Variants in SGCZ observed in about 807,000 individuals in gnomAD.
The protein encoded by SGCZ is zeta-sarcoglycan.
A neutral mutation model predicts 41.3 loss-of-function variants in SGCZ; 40 were observed. The ratio of observed to expected loss-of-function variants is 0.97; its 90% CI spans 0.75 to 1.26. The LOEUF (loss-of-function observed/expected upper bound fraction) is 1.26. Ranked by LOEUF, SGCZ falls within the 50% of genes most tolerant of loss-of-function variation. The pLI is 0.00. For missense variants in SGCZ, 552 were observed against 369.8 expected (o/e 1.49, Z -4.04); for synonymous variants, 206 against 137.5 (o/e 1.50, Z -3.49).
At chr8:14,805,914 G>A (rs376695151) in intron 1 of SGCZ, among the ~76,000 whole-genome samples, 1 of 150,130 alleles carries the variant, frequency 6.7e-6, no homozygotes, top group Non-Finnish European at 1.5e-5. Context: ...CTAGAACTCA[G>A]GATTAAGAAT....
rs1413036344 is a variant in SGCZ, at chr8:14,563,417, GA to G, written c.40-8492del. On this transcript the variant is annotated intron_variant, in intron 1 of 7. Coordinates refer to ENST00000382080, the MANE Select transcript of SGCZ (RefSeq NM_139167.4). ...GTTAATAGGTGTGAGTGGACAGAAAGAAAAAAGTCGTTAAGGAAATGTACAA... is the reference window on the plus strand; with the variant it reads ...GTTAATAGGTGTGAGTGGACAGAAAGAAAAAGTCGTTAAGGAAATGTACAA... Among the ~76,000 whole-genome samples, 119 of 152,228 alleles carry G rather than the reference GA, an allele frequency of 7.8e-4. 1 individual carries two copies. Among genetic ancestry groups the G allele is most frequent in the African/African-American group, 2.8e-3 (117 of 41,550 alleles).
chr8:15,220,608 T>C lies in SGCZ; in HGVS notation c.39+16977A>G, dbSNP rs549119841. Among the ~76,000 whole-genome samples, 3 of 152,300 alleles carry C rather than the reference T, an allele frequency of 2.0e-5. No individual in the cohort carries two copies. The South Asian group carries it at 6.2e-4, about 32-fold the overall frequency. ...ACCATTGTGGAAGACAGTGTGTCGA[T>C]TCCTCAAGGATCTAGAACTGGAAAT... is the stretch of plus-strand genomic sequence containing the variant. On this transcript the variant is annotated intron_variant, in intron 1 of 7. Transcript: ENST00000382080.
At chr8:14,983,986 A>G (rs1157086684) in intron 1 of SGCZ, among the ~76,000 whole-genome samples, 1 of 152,224 alleles carries the variant, frequency 6.6e-6, no homozygotes, top group Non-Finnish European at 1.5e-5. Context: ...ATACCCAATC[A>G]GTACTTAACA....
intron 2 of SGCZ, among the ~76,000 whole-genome samples, chr8:14,551,567 A>AATATATAATATATATAATATATT (rs1803853411): frequency 4.2e-5 from 1 of 23,678 alleles, no homozygotes; most frequent in African/African-American, 2.8e-4. Context: ...TATTATATAT[A>AATATATAATATATATAATATATT]TAATATATAT....
intron 1 of SGCZ, among the ~76,000 whole-genome samples, chr8:14,691,084 A>G (rs1808784504): frequency 6.6e-6 from 1 of 152,188 alleles, no homozygotes; most frequent in African/African-American, 2.4e-5. Flanking sequence ...CATACTATAA[A>G]TGCACTTATT....
chr8:15,153,418 C>A (rs1421335251), intron 1 of SGCZ, among the ~76,000 whole-genome samples: 1 of 152,116 alleles, frequency 6.6e-6, no homozygotes, highest in Non-Finnish European at 1.5e-5. Context: ...CGTGAGAATG[C>A]CAGACAGCTT....
chr8:14,161,405 T>C (rs1419957853), intron 5 of SGCZ: 1 of 152,210 alleles, frequency 6.6e-6, no homozygotes, highest in East Asian at 1.9e-4. Flanking sequence ...ATGTGTATGT[T>C]TGTGACTCTA....
chr8:14,240,515 T>C (rs888873873), intron 3 of SGCZ, among the ~76,000 whole-genome samples: 2 of 151,670 alleles, frequency 1.3e-5, no homozygotes, highest in East Asian at 1.9e-4. Context: ...TAAAATTTTA[T>C]ATCTAGATTA....
intron 4 of SGCZ, among the ~76,000 whole-genome samples, chr8:14,179,719 A>T (rs1007027464): frequency 2.0e-5 from 3 of 152,186 alleles, no homozygotes; most frequent in Non-Finnish European, 2.9e-5. Flanking sequence ...TAAGACATGT[A>T]ACATACTCTA....
chr8:14,164,310 T>C (rs1585193052), intron 5 of SGCZ, among the ~76,000 whole-genome samples: 1 of 152,086 alleles, frequency 6.6e-6, no homozygotes, highest in Non-Finnish European at 1.5e-5. Flanking sequence ...GCATTTCATC[T>C]CCACCCCGCC....
chr8:14,768,221 T>TA (rs1015314350), intron 1 of SGCZ, among the ~76,000 whole-genome samples: 16 of 152,204 alleles, frequency 1.1e-4, no homozygotes, highest in Non-Finnish European at 1.5e-5. Flanking sequence ...TCCTTTAACA[T>TA]ATAGTCTCCT....
intron 1 of SGCZ, among the ~76,000 whole-genome samples, chr8:14,768,147 A>C (rs2255678): frequency 0.02 from 2,988 of 152,164 alleles, 64 homozygotes; most frequent in Middle Eastern, 0.044. Context: ...AATATGTTTA[A>C]CTCTGCCTAC....
intron 1 of SGCZ, among the ~76,000 whole-genome samples, chr8:14,692,602 A>G (rs1327619526): frequency 6.6e-6 from 1 of 152,220 alleles, no homozygotes; most frequent in East Asian, 1.9e-4. Flanking sequence ...AACATAAAAA[A>G]GCAACTGCTT....
At chr8:14,301,572 T>C (rs899983436) in intron 3 of SGCZ, among the ~76,000 whole-genome samples, 7 of 152,124 alleles carry the variant, frequency 4.6e-5, no homozygotes, top group Non-Finnish European at 8.8e-5. Context: ...TCTGGGGTGA[T>C]AGATATTTCT....
chr8:14,113,854 G>C (rs1326207465), intron 5 of SGCZ, among the ~76,000 whole-genome samples: 1 of 152,096 alleles, frequency 6.6e-6, no homozygotes, highest in African/African-American at 2.4e-5. Flanking sequence ...TTACATTTCA[G>C]TGACAAGACA....
At chr8:14,805,740 T>C (rs1418956715) in intron 1 of SGCZ, among the ~76,000 whole-genome samples, 2 of 152,060 alleles carry the variant, frequency 1.3e-5, no homozygotes, top group Admixed American at 1.3e-4. Context: ...GTAATAGACA[T>C]CTACAGAACT....
intron 1 of SGCZ, among the ~76,000 whole-genome samples, chr8:14,821,872 A>G (rs1317316243): frequency 6.6e-6 from 1 of 152,140 alleles, no homozygotes; most frequent in Non-Finnish European, 1.5e-5. Context: ...ATGGGGAAAA[A>G]GTCTACAGTT....
chr8:14,373,399 AG>A (rs2117168086), intron 2 of SGCZ, among the ~76,000 whole-genome samples: 1 of 152,320 alleles, frequency 6.6e-6, no homozygotes, highest in African/African-American at 2.4e-5. Flanking sequence ...GATATGGGCT[AG>A]TGATAATCAT....
chr8:14,227,843 T>C (rs1806425197), intron 4 of SGCZ, among the ~76,000 whole-genome samples: 1 of 152,016 alleles, frequency 6.6e-6, no homozygotes, highest in Admixed American at 6.6e-5. Flanking sequence ...CAAAACTAAA[T>C]ACAAGAATAG....
Sources: allele counts gnomAD v4.1 joint callset (sites outside exome capture counted in the v4.1 genomes callset), GRCh38; gene constraint gnomAD v4.1.1; transcripts MANE v1.5; gene names NCBI Gene and HGNC (gene_info 2026-07-23, HGNC 2026-07-21).